FCRL3: variants seen among roughly 807,000 people sequenced by gnomAD.
The protein encoded by FCRL3 is Fc receptor like 3.
FCRL3 carries 89 observed loss-of-function variants against 75.0 expected under a neutral mutation model. That is an observed-to-expected ratio of 1.19 (90% confidence interval 1.00 to 1.42). The LOEUF is 1.42. FCRL3 is among the 40% of genes most tolerant of loss of function. The pLI is 0.00. For missense variants in FCRL3, 946 were observed against 880.0 expected (o/e 1.07, Z -0.95); for synonymous variants, 376 against 348.5 (o/e 1.08, Z -0.88).
At position 157,699,754 on chromosome 1, in the gene FCRL3, C is replaced by T. The variant is rs1571222130; in HGVS notation, c.32-42G>A. Reference sequence around the variant, plus strand: ...AATGACAATCAGACACTCTCCGAAACATTTTCTAACAACCTAACCACAACC... The same window carrying T: ...AATGACAATCAGACACTCTCCGAAATATTTTCTAACAACCTAACCACAACC... On this transcript the variant is annotated intron_variant, in intron 2 of 14. Transcript: ENST00000368184. The T allele has an allele frequency of 1.9e-6, 3 of 1,607,050 alleles. No homozygotes were observed. The South Asian group carries it at 3.3e-5, about 18-fold the overall frequency.
chr1:157,681,813 G>A (rs1472093955), intron 11 of FCRL3, among the ~76,000 whole-genome samples: 15 of 152,056 alleles, frequency 9.9e-5, no homozygotes, highest in Non-Finnish European at 2.1e-4. Context: ...CTGAGGAATC[G>A]CCACACTGAC....
rs745951308 is a variant in FCRL3, at chr1:157,696,231, C to G, written c.941G>C (p.Gly314Ala). ...NMVLICSVAQ[G>A]SGTVTFSWHK... The stretch of plus-strand genomic sequence containing the variant: ...CCAGGAGAATGTGACAGTCCCTGAA[C>G]CCTGGGCTACTGAGCAAATAAGGAC... Residue 314 changes from glycine to alanine, a missense_variant, in exon 7 of 15, where the codon GGT becomes GCT. By Grantham distance (60) the Gly-to-Ala change is moderately conservative. Coordinates refer to ENST00000368184, the MANE Select transcript of FCRL3 (RefSeq NM_052939.4). The G allele has an allele frequency of 6.2e-7, 1 of 1,613,988 alleles. No homozygotes were observed. The highest frequency in any genetic ancestry group is 2.2e-5 in the East Asian group (1 of 44,856).
At chr1:157,681,876 C>T (rs1307394657) in intron 11 of FCRL3, among the ~76,000 whole-genome samples, 1 of 152,154 alleles carries the variant, frequency 6.6e-6, no homozygotes, top group South Asian at 2.1e-4. Context: ...AAAAGTGTTC[C>T]TATTTCTCCA....
At chr1:157,700,397 A>T in intron 2 of FCRL3, 62 bp downstream of exon 2, 3 of 1,612,208 alleles carry the variant, frequency 1.9e-6, no homozygotes, top group Non-Finnish European at 2.5e-6. Context: ...AAGCTCCTTG[A>T]GTTTTTCCCT....
intron 13 of FCRL3, 47 bp from the exon 14 acceptor site, chr1:157,679,020 T>C: frequency 6.2e-7 from 1 of 1,602,044 alleles, no homozygotes; most frequent in Non-Finnish European, 8.6e-7. Context: ...GTGGGCAATA[T>C]ATTCCAACTT....
intron 10 of FCRL3, among the ~76,000 whole-genome samples, chr1:157,685,900 A>AT (rs1655145690): frequency 6.6e-6 from 1 of 152,124 alleles, no homozygotes; most frequent in Non-Finnish European, 1.5e-5. Flanking sequence ...TTTTTAATTA[A>AT]TGAAAAAGGG....
chr1:157,698,994 G>A (rs561223123), intron 3 of FCRL3, among the ~76,000 whole-genome samples: 42 of 152,348 alleles, frequency 2.8e-4, no homozygotes, highest in Middle Eastern at 3.4e-3. Flanking sequence ...AACCTGGGAT[G>A]TATATACCTC....
At chr1:157,682,425 G>C (rs960985158) in intron 11 of FCRL3, among the ~76,000 whole-genome samples, 1 of 152,086 alleles carries the variant, frequency 6.6e-6, no homozygotes, top group African/African-American at 2.4e-5. Context: ...TTTGTATAAG[G>C]TGTAAGGAAG....
chr1:157,677,839 T>C lies in FCRL3; in HGVS notation c.*871A>G. Reference sequence around the variant, plus strand: ...TTAATATGATAGAAATAGGAGAGCATGGGAATAATGAACATGAGATTTAGA... The same window carrying C: ...TTAATATGATAGAAATAGGAGAGCACGGGAATAATGAACATGAGATTTAGA... On this transcript the variant is annotated 3_prime_UTR_variant, in exon 15 of 15. Transcript: ENST00000368184. 1 of 588,758 alleles carries C rather than the reference T, an allele frequency of 1.7e-6. No individual in the cohort carries two copies. The highest frequency in any genetic ancestry group is 1.4e-4 in the East Asian group (1 of 6,978). The allele number at this position is 588,758 out of a possible 1,614,324, so 36.5% of individuals were successfully genotyped here.
At chr1:157,682,405 T>A (rs1002124590) in intron 11 of FCRL3, among the ~76,000 whole-genome samples, 1 of 152,210 alleles carries the variant, frequency 6.6e-6, no homozygotes, top group East Asian at 1.9e-4. Flanking sequence ...TAATCCATCT[T>A]GAATTAATTT....
At chr1:157,693,891 G>A (rs1655728405) in intron 8 of FCRL3, among the ~76,000 whole-genome samples, 1 of 151,994 alleles carries the variant, frequency 6.6e-6, no homozygotes, top group South Asian at 2.1e-4. Context: ...GAGAGTACAG[G>A]CGCATGCCAC....
Position 157,700,563 on chromosome 1 carries a change from G to A in FCRL3, c.-74C>T. On this transcript the variant is annotated 5_prime_UTR_variant, in exon 2 of 15. Transcript: ENST00000368184. ...CGACTTATCTCCAAGAAGGAGGGCA[G>A]GAAGCTGCTACTCAGATGAGACCTG... is the stretch of plus-strand genomic sequence containing the variant. 1.2e-6 allele frequency: 2 copies of A among 1,612,380 alleles called. No individual in the cohort carries two copies. The highest frequency in any genetic ancestry group is 1.7e-6 in the Non-Finnish European group (2 of 1,179,222).
Position 157,677,781 on chromosome 1 carries a change from TA to T in FCRL3, c.*928del, listed in dbSNP as rs2101579161. ...CTTTAACTTATAGTTAAAACTAATA[TA>T]AAAACATATTTAAGGAAAACATGTA... On this transcript the variant is annotated 3_prime_UTR_variant, in exon 15 of 15. Transcript: ENST00000368184. The T allele has an allele frequency of 1.2e-5, 6 of 507,872 alleles. No individual in the cohort carries two copies. The highest frequency in any genetic ancestry group is 9.7e-4 in the Middle Eastern group (1 of 1,030). 31.5% of individuals were successfully genotyped at this position (507,872 alleles called of 1,614,324 possible).
At chr1:157,698,124 CAT>C (rs571509206) in intron 4 of FCRL3, 122 of 725,036 alleles carry the variant, frequency 1.7e-4, no homozygotes, top group Non-Finnish European at 2.5e-4. Flanking sequence ...GAAATCTTCA[CAT>C]GTCTTTTCAC....
chr1:157,697,933 A>C lies in FCRL3; in HGVS notation c.299-14T>G. 1.2e-6 allele frequency: 2 copies of C among 1,612,214 alleles called. No homozygotes were observed. Among genetic ancestry groups the C allele is most frequent in the African/African-American group, 2.7e-5 (2 of 75,034 alleles). The stretch of plus-strand genomic sequence containing the variant: ...GGATCAGCCAGTCTGCAAAGAGCAC[A>C]GGAGCACACTCAGGTTATCCCCTGC... On this transcript the variant is annotated splice_polypyrimidine_tract_variant and intron_variant, in intron 4 of 14. Transcript: ENST00000368184.
intron 10 of FCRL3, among the ~76,000 whole-genome samples, chr1:157,683,877 T>A (rs2101594254): frequency 6.6e-6 from 1 of 152,322 alleles, no homozygotes; most frequent in East Asian, 1.9e-4. Context: ...AAGTAAACTG[T>A]CTCCATGCAC....
chr1:157,693,839 T>C (rs1412977937), intron 8 of FCRL3, among the ~76,000 whole-genome samples: 1 of 151,918 alleles, frequency 6.6e-6, no homozygotes, highest in Non-Finnish European at 1.5e-5. Flanking sequence ...TCTCAACCTC[T>C]TGGGTTCAAG....
rs890296766 is a variant in FCRL3 at position 157,677,614 on chromosome 1, A to T, written c.*1096T>A. 45 of 984,992 alleles carry T rather than the reference A, an allele frequency of 4.6e-5. No individual in the cohort carries two copies. Among genetic ancestry groups the T allele is most frequent in the Non-Finnish European group, 5.3e-5 (44 of 829,646 alleles). The allele number at this position is 984,992 out of a possible 1,614,324, so 61.0% of individuals were successfully genotyped here. The stretch of plus-strand genomic sequence containing the variant: ...TTTTGATGGTGATAGCTAGGAAAAC[A>T]TTAAGCCAGATATTTTACACAAGTA... On this transcript the variant is annotated 3_prime_UTR_variant, in exon 15 of 15. Transcript: ENST00000368184.
In FCRL3 at chr1:157,678,774, T is replaced by C; in HGVS notation, c.2141A>G (p.His714Arg). Residue 714 changes from histidine to arginine, a missense_variant, in exon 15 of 15, where the codon CAT (histidine) becomes CGT (arginine). Coordinates refer to ENST00000368184, the MANE Select transcript of FCRL3 (RefSeq NM_052939.4). ...AGEASSRGRA[H>R]EEDDEENYEN... Reference sequence around the variant, plus strand: ...ATAGTTTTCTTCATCATCTTCTTCATGGGCCCTGCCTCTGCTGCTAGCCTC... The same window carrying C: ...ATAGTTTTCTTCATCATCTTCTTCACGGGCCCTGCCTCTGCTGCTAGCCTC... 4 of 1,614,126 alleles carry C rather than the reference T, an allele frequency of 2.5e-6. No homozygotes were observed. The highest frequency in any genetic ancestry group is 3.4e-6 in the Non-Finnish European group (4 of 1,180,018).
Sources: allele counts gnomAD v4.1 joint callset (sites outside exome capture counted in the v4.1 genomes callset), GRCh38; gene constraint gnomAD v4.1.1; transcripts MANE v1.5; gene names NCBI Gene and HGNC (gene_info 2026-07-23, HGNC 2026-07-21).